The following TENM3 variants were observed in gnomAD, a reference collection of about 807,000 sequenced individuals.
TENM3 encodes teneurin transmembrane protein 3.
A neutral mutation model predicts 255.1 loss-of-function variants in TENM3; 63 were observed. That is an observed-to-expected ratio of 0.25 (90% CI 0.20 to 0.30). The LOEUF (loss-of-function observed/expected upper bound fraction) is 0.30, where lower values mean the gene tolerates loss of function less well. Among genes scored for constraint, TENM3 ranks in the 10% least tolerant of loss-of-function variants. TENM3 has a pLI of 1.00. For missense variants in TENM3, 2,929 were observed against 3,461.1 expected, an observed-to-expected ratio of 0.85 and a Z score of 3.86; for synonymous variants, 1,306 against 1,322.3, an observed-to-expected ratio of 0.99 and a Z score of 0.27.
At chr4:182,666,877 G>C (rs1394661528) in intron 6 of TENM3, among the ~76,000 whole-genome samples, 1 of 151,926 alleles carries the variant, frequency 6.6e-6, no homozygotes, top group Non-Finnish European at 1.5e-5. Context: ...TCCAGCCTGG[G>C]TGACAGCTTT....
the TENM3 span, among the ~76,000 whole-genome samples, chr4:181,506,644 C>T: frequency 1.3e-5 from 2 of 151,668 alleles, no homozygotes; most frequent in Admixed American, 1.3e-4. Context: ...CAGTGCCTCA[C>T]CATGCATGTC....
chr4:182,429,405 A>G (rs1353963001), intron 3 of TENM3, among the ~76,000 whole-genome samples: 1 of 152,220 alleles, frequency 6.6e-6, no homozygotes, highest in Non-Finnish European at 1.5e-5. Context: ...GCCTACACAT[A>G]TAAATTGCAT....
the TENM3 span, among the ~76,000 whole-genome samples, chr4:181,786,772 T>C: frequency 6.6e-6 from 1 of 151,782 alleles, no homozygotes; most frequent in Non-Finnish European, 1.5e-5. Flanking sequence ...CTCCCAGCAC[T>C]TGGTGGGGGA....
At chr4:181,674,595 T>A in the TENM3 span, among the ~76,000 whole-genome samples, 4 of 152,260 alleles carry the variant, frequency 2.6e-5, no homozygotes, top group African/African-American at 7.2e-5. Context: ...GCAACTTTTT[T>A]CCCACAGACC....
intron 23 of TENM3, among the ~76,000 whole-genome samples, chr4:182,774,480 A>G (rs1764518330): frequency 6.6e-6 from 1 of 152,236 alleles, no homozygotes; most frequent in South Asian, 2.1e-4. Context: ...TATTCAAGAT[A>G]TAGATATTAA....
chr4:181,475,140 C>G, the TENM3 span, among the ~76,000 whole-genome samples: 2 of 152,158 alleles, frequency 1.3e-5, no homozygotes, highest in East Asian at 3.9e-4. Flanking sequence ...AACAGGCATC[C>G]GCTTATCTCT....
chr4:182,051,592 T>TG, the TENM3 span, among the ~76,000 whole-genome samples: 4 of 152,006 alleles, frequency 2.6e-5, no homozygotes, highest in East Asian at 7.9e-4. Flanking sequence ...TTGGTCAAGA[T>TG]GGTCTCGATC....
chr4:181,459,379 T>C, the TENM3 span, among the ~76,000 whole-genome samples: 1 of 151,894 alleles, frequency 6.6e-6, no homozygotes, highest in Non-Finnish European at 1.5e-5. Context: ...ACTTCATCAA[T>C]TTTTTTATGA....
intron 13 of TENM3, among the ~76,000 whole-genome samples, chr4:182,724,756 C>T (rs1417527383): frequency 1.3e-5 from 2 of 152,176 alleles, no homozygotes; most frequent in African/African-American, 2.4e-5. Context: ...GTAAGGAGCA[C>T]TTAACCCTTA....
At chr4:181,685,629 G>A in the TENM3 span, among the ~76,000 whole-genome samples, 1 of 152,142 alleles carries the variant, frequency 6.6e-6, no homozygotes, top group Non-Finnish European at 1.5e-5. Flanking sequence ...CAAAAGAAAA[G>A]CCTGATTCAC....
the TENM3 span, among the ~76,000 whole-genome samples, chr4:181,692,860 C>T: frequency 1.3e-5 from 2 of 152,138 alleles, no homozygotes; most frequent in African/African-American, 4.8e-5. Flanking sequence ...AGCTTTCCAA[C>T]AGTTAGATGA....
the TENM3 span, among the ~76,000 whole-genome samples, chr4:181,600,231 G>A: frequency 1.3e-5 from 2 of 152,108 alleles, no homozygotes; most frequent in Admixed American, 6.5e-5. Flanking sequence ...GGGACACTTG[G>A]GTTGTTTCCA....
chr4:181,729,187 A>C, the TENM3 span, among the ~76,000 whole-genome samples: 4 of 152,236 alleles, frequency 2.6e-5, no homozygotes, highest in African/African-American at 9.6e-5. Context: ...CATTTAAAAA[A>C]ATATGAGAAG....
chr4:181,880,483 T>C, the TENM3 span, among the ~76,000 whole-genome samples: 3 of 152,190 alleles, frequency 2.0e-5, no homozygotes, highest in Non-Finnish European at 4.4e-5. Context: ...TAAAGTGTGA[T>C]TATCATTTCA....
the TENM3 span, among the ~76,000 whole-genome samples, chr4:181,700,910 A>T: frequency 6.6e-6 from 1 of 152,202 alleles, no homozygotes; most frequent in Non-Finnish European, 1.5e-5. Flanking sequence ...TCAATTTTTT[A>T]ATTTATTTTT....
At chr4:181,646,565 T>C in the TENM3 span, among the ~76,000 whole-genome samples, 1 of 152,190 alleles carries the variant, frequency 6.6e-6, no homozygotes. Context: ...TTCATATTTC[T>C]TGAGCATCAA....
chr4:182,160,223 C>T (rs958701354), intron 1 of TENM3, among the ~76,000 whole-genome samples: 6 of 151,604 alleles, frequency 4.0e-5, no homozygotes, highest in Non-Finnish European at 5.9e-5. Flanking sequence ...AGGATGGTCT[C>T]GATCTCCTGA....
the TENM3 span, among the ~76,000 whole-genome samples, chr4:181,684,395 G>T: frequency 6.6e-6 from 1 of 152,136 alleles, no homozygotes; most frequent in Admixed American, 6.6e-5. Flanking sequence ...AATATGTAAA[G>T]AAAATAAACC....
chr4:182,387,838 C>A (rs759112994), intron 3 of TENM3, among the ~76,000 whole-genome samples: 16 of 151,806 alleles, frequency 1.1e-4, no homozygotes, highest in Non-Finnish European at 2.1e-4. Context: ...CTGTAACACT[C>A]ACTGTGAGGG....
Sources: gnomAD v4.1 joint callset for allele counts (sites outside exome capture counted in the v4.1 genomes callset) on GRCh38, gnomAD v4.1.1 for gene constraint, MANE v1.5 for transcripts, NCBI Gene and HGNC (gene_info 2026-07-23, HGNC 2026-07-21) for gene names.